Variants in MAP4K5 observed in about 807,000 individuals in gnomAD.
MAP4K5 encodes the protein mitogen-activated protein kinase kinase kinase kinase 5.
MAP4K5 carries 82 observed loss-of-function variants against 135.6 expected under a neutral mutation model. The ratio of observed to expected loss-of-function variants is 0.60; its 90% CI spans 0.51 to 0.73. The LOEUF (loss-of-function observed/expected upper bound fraction) is 0.73. Ranked by LOEUF, MAP4K5 falls within the 30% of genes least tolerant of loss-of-function variation. The pLI, the probability that MAP4K5 is intolerant of heterozygous loss-of-function variation, is 0.00. For missense variants in MAP4K5, 907 were observed against 1,010.9 expected (o/e 0.90, Z 1.39); for synonymous variants, 347 against 335.0 (o/e 1.04, Z -0.39).
chr14:50,528,338 A>C (rs1012849643), intron 2 of MAP4K5, among the ~76,000 whole-genome samples: 1 of 151,646 alleles, frequency 6.6e-6, no homozygotes, highest in Non-Finnish European at 1.5e-5. Flanking sequence ...ACATAAAAGT[A>C]AATTACGAAG....
At position 50,434,974 on chromosome 14, in the gene MAP4K5, G is replaced by C; in HGVS notation, c.1974C>G (p.Phe658Leu). The change falls in exon 27 of 33, where the codon TTC (phenylalanine) becomes TTG (leucine). Residue 658 changes from phenylalanine to leucine, a missense_variant. This residue lies in a region of MAP4K5 where 690 missense variants were observed against 777.4 expected (regional missense o/e 0.89). Coordinates refer to ENST00000682126, the MANE Select transcript of MAP4K5 (RefSeq NM_006575.6). Reference sequence around the variant, plus strand: ...AAATAATATATACCTTTATCAACATGAATTTCTGCATTGGCTCATACCACT... The same window carrying C: ...AAATAATATATACCTTTATCAACATCAATTTCTGCATTGGCTCATACCACT... Reference protein sequence around the residue: ...LLQWYEPMQKFMLIKHFDFPL... With the variant: ...LLQWYEPMQKLMLIKHFDFPL... 1 of 1,600,490 alleles carries C rather than the reference G, an allele frequency of 6.2e-7. No homozygotes were observed. Among genetic ancestry groups the C allele is most frequent in the Non-Finnish European group, 8.5e-7 (1 of 1,169,674 alleles).
chr14:50,447,982 T>C lies in MAP4K5; in HGVS notation c.1075-501A>G, dbSNP rs866679908. 2.0e-5 allele frequency among the ~76,000 whole-genome samples: 3 copies of C among 151,960 alleles called. No homozygotes were observed. In the East Asian group the frequency reaches 5.8e-4, roughly 29 times the overall value. ...CTAGGTTAGGCTAACTCTAATAATATCTTGCTTCATTACTTTTTTCTTTTT... is the reference window on the plus strand; with the variant it reads ...CTAGGTTAGGCTAACTCTAATAATACCTTGCTTCATTACTTTTTTCTTTTT... On this transcript the variant is annotated intron_variant, in intron 15 of 32. Coordinates refer to ENST00000682126, the MANE Select transcript of MAP4K5 (RefSeq NM_006575.6).
chr14:50,446,052 A>T, intron 17 of MAP4K5, 27 bp downstream of exon 17: 2 of 1,440,914 alleles, frequency 1.4e-6, no homozygotes, highest in Non-Finnish European at 1.9e-6. Context: ...ATAAGGATTT[A>T]GTGTTCAAAA....
chr14:50,443,668 T>C, intron 20 of MAP4K5, 61 bp downstream of exon 20: 2 of 1,383,794 alleles, frequency 1.4e-6, no homozygotes, highest in South Asian at 1.5e-5. Context: ...TGATAGCCAA[T>C]ATATTGCTGC....
intron 2 of MAP4K5, among the ~76,000 whole-genome samples, chr14:50,506,151 C>G (rs953403234): frequency 6.6e-6 from 1 of 151,686 alleles, no homozygotes; most frequent in Non-Finnish European, 1.5e-5. Context: ...TATAGTTATA[C>G]TAATCTGCCA....
At chr14:50,429,090 T>A (rs571639414) in intron 29 of MAP4K5, 102 bp downstream of exon 29, 2 of 744,780 alleles carry the variant, frequency 2.7e-6, no homozygotes, top group Non-Finnish European at 4.3e-6. Context: ...ATAAGTAACA[T>A]TTTTAGTAAA....
chr14:50,423,165 C>T lies in MAP4K5; in HGVS notation c.2409G>A (p.Glu803=). Residue 803 remains glutamate (E), a synonymous_variant, in exon 32 of 33, where the codon GAG becomes GAA. Coordinates refer to ENST00000682126, the MANE Select transcript of MAP4K5 (RefSeq NM_006575.6). ...GGAAAACTCTTGTTTCATCTGAAAT[C>T]TCCTGGGTAACCTAGGAAAGAAAAA... The part of the protein sequence containing the change: ...KSFKSDEVTQ[E]ISDETRVFRL... 1 of 1,557,230 alleles carries T rather than the reference C, an allele frequency of 6.4e-7. No individual in the cohort carries two copies. The highest frequency in any genetic ancestry group is 8.8e-7 in the Non-Finnish European group (1 of 1,133,850).
chr14:50,428,532 A>C, intron 30 of MAP4K5, 130 bp downstream of exon 30: 2 of 529,270 alleles, frequency 3.8e-6, no homozygotes. Context: ...CTGGGATTAC[A>C]GGCGTAGAAC....
At chr14:50,542,278 G>T (rs961893262) in intron 2 of MAP4K5, among the ~76,000 whole-genome samples, 5 of 144,778 alleles carry the variant, frequency 3.5e-5, no homozygotes, top group African/African-American at 1.3e-4. Flanking sequence ...CCGGGGGCCT[G>T]TGGTGTCGGG....
intron 2 of MAP4K5, among the ~76,000 whole-genome samples, chr14:50,525,236 A>AC (rs1203240974): frequency 2.6e-5 from 4 of 152,286 alleles, no homozygotes; most frequent in African/African-American, 9.6e-5. Flanking sequence ...AAAACCAAAC[A>AC]CAAAATCCAG....
intron 2 of MAP4K5, among the ~76,000 whole-genome samples, chr14:50,514,863 T>A (rs1434469513): frequency 6.6e-6 from 1 of 151,968 alleles, no homozygotes; most frequent in Non-Finnish European, 1.5e-5. Flanking sequence ...TCACCGCCTA[T>A]CTTCCTGTAG....
At chr14:50,500,262 G>GA (rs1032783711) in intron 3 of MAP4K5, among the ~76,000 whole-genome samples, 1 of 152,126 alleles carries the variant, frequency 6.6e-6, no homozygotes, top group Non-Finnish European at 1.5e-5. Flanking sequence ...AAACAAACAA[G>GA]AAAAGTATCA....
intron 2 of MAP4K5, among the ~76,000 whole-genome samples, chr14:50,518,972 A>G (rs919287911): frequency 6.6e-6 from 1 of 152,216 alleles, no homozygotes; most frequent in Non-Finnish European, 1.5e-5. Flanking sequence ...TAGGAAATTT[A>G]GCTCTAGAAA....
intron 2 of MAP4K5, among the ~76,000 whole-genome samples, chr14:50,524,481 G>A (rs2038217673): frequency 6.6e-6 from 1 of 152,118 alleles, no homozygotes; most frequent in African/African-American, 2.4e-5. Flanking sequence ...TTCTCATGCA[G>A]TTTTAGTCTA....
chr14:50,508,714 A>T (rs533760828), intron 2 of MAP4K5, among the ~76,000 whole-genome samples: 83 of 140,680 alleles, frequency 5.9e-4, no homozygotes, highest in African/African-American at 1.8e-3. Context: ...TTAAAGTATA[A>T]AAAAAAAAAG....
chr14:50,489,659 C>T (rs1180193215), intron 3 of MAP4K5, among the ~76,000 whole-genome samples: 1 of 152,176 alleles, frequency 6.6e-6, no homozygotes, highest in Non-Finnish European at 1.5e-5. Flanking sequence ...CCATCCATGG[C>T]ACTGTTTGTG....
chr14:50,554,057 T>C (rs1566711012), intron 1 of MAP4K5, among the ~76,000 whole-genome samples: 1 of 151,950 alleles, frequency 6.6e-6, no homozygotes, highest in African/African-American at 2.4e-5. Flanking sequence ...AAAGAACTTA[T>C]TAATGTAACA....
intron 14 of MAP4K5, among the ~76,000 whole-genome samples, chr14:50,454,319 C>A (rs993271916): frequency 6.6e-6 from 1 of 152,086 alleles, no homozygotes; most frequent in African/African-American, 2.4e-5. Flanking sequence ...CGTGAGGGAA[C>A]CTTCTGAGAT....
chr14:50,465,972 G>A (rs993968661), intron 11 of MAP4K5, among the ~76,000 whole-genome samples: 1 of 152,136 alleles, frequency 6.6e-6, no homozygotes, highest in African/African-American at 2.4e-5. Context: ...TACTCGGGAG[G>A]CCGAGACAGG....
Sources: gnomAD v4.1 joint callset for allele counts (sites outside exome capture counted in the v4.1 genomes callset) on GRCh38, gnomAD v4.1.1 for gene constraint, gnomAD v4.1.1 regional missense constraint, MANE v1.5 for transcripts, NCBI Gene and HGNC (gene_info 2026-07-23, HGNC 2026-07-21) for gene names.